The following CTNNA2 variants were observed in gnomAD, a reference collection of about 807,000 sequenced individuals.
CTNNA2 encodes catenin alpha-2.
A neutral mutation model predicts 101.0 loss-of-function variants in CTNNA2; 42 were observed. The observed-to-expected ratio is 0.42, with a 90% CI of 0.32 to 0.54. The LOEUF is 0.54. Among genes scored for constraint, CTNNA2 ranks in the 20% least tolerant of loss-of-function variants. The pLI is 0.14. For missense variants in CTNNA2, 871 were observed against 1,223.1 expected, an observed-to-expected ratio of 0.71 and a Z score of 4.29; for synonymous variants, 450 against 456.4, an observed-to-expected ratio of 0.99 and a Z score of 0.18.
chr2:79,414,034 G>A (rs940019270), intron 4 of CTNNA2, among the ~76,000 whole-genome samples: 1 of 148,884 alleles, frequency 6.7e-6, no homozygotes, highest in African/African-American at 2.5e-5. Context: ...TTGAACTCAG[G>A]CATGCGGTTT....
intron 2 of CTNNA2, among the ~76,000 whole-genome samples, chr2:79,718,782 G>C (rs1218810443): frequency 6.6e-6 from 1 of 150,852 alleles, no homozygotes; most frequent in East Asian, 1.9e-4. Flanking sequence ...TAGGAGAGTT[G>C]GTAAATGTAC....
At chr2:80,018,061 T>C (rs185618525) in intron 7 of CTNNA2, among the ~76,000 whole-genome samples, 104 of 152,344 alleles carry the variant, frequency 6.8e-4, no homozygotes, top group Admixed American at 1.1e-3. Context: ...AATATGTTCA[T>C]GATTAATTTG....
Position 79,627,920 on chromosome 2 carries a change from G to A in CTNNA2, c.-5-23632G>A, listed in dbSNP as rs115403031. On this transcript the variant is annotated intron_variant, in intron 1 of 18. Transcript: ENST00000402739. ...AGGGAAATATACTGTTCTTTGAATA[G>A]CCTTGACACTGTGCCAGCTCATAAG... Among the ~76,000 whole-genome samples, 674 of 152,218 alleles carry A rather than the reference G, an allele frequency of 4.4e-3. 5 individuals carry two copies. Among genetic ancestry groups the A allele is most frequent in the African/African-American group, 0.015 (640 of 41,550 alleles).
chr2:80,096,928 A>G (rs1285211378), intron 7 of CTNNA2, among the ~76,000 whole-genome samples: 1 of 152,156 alleles, frequency 6.6e-6, no homozygotes, highest in Admixed American at 6.5e-5. Context: ...TCTCCTGAAT[A>G]CAGCACACTG....
chr2:80,101,552 A>C (rs78710163), intron 7 of CTNNA2, among the ~76,000 whole-genome samples: 1 of 152,162 alleles, frequency 6.6e-6, no homozygotes, highest in South Asian at 2.1e-4. Flanking sequence ...CCTAATCCCA[A>C]TTCTCCTCCT....
intron 7 of CTNNA2, among the ~76,000 whole-genome samples, chr2:80,305,883 T>C (rs898061119): frequency 3.9e-5 from 6 of 152,186 alleles, no homozygotes; most frequent in African/African-American, 1.4e-4. Context: ...GAGTCAAATG[T>C]GAGTCTCCAG....
At position 79,397,033 on chromosome 2, in the gene CTNNA2, A is replaced by G. The variant is rs144871046; in HGVS notation, c.-135+23020A>G. Among the ~76,000 whole-genome samples, 28 of 152,170 alleles carry G rather than the reference A, an allele frequency of 1.8e-4. No individual in the cohort carries two copies. The East Asian group carries it at 4.5e-3, about 24-fold the overall frequency. ...TCTGGTAGGCTGGGTGAGGCTTTGT[A>G]TTTCTAACAGTTTCCCAGATATGCT... On this transcript the variant is annotated intron_variant, in intron 4 of 21. Transcript: ENST00000466387.
chr2:80,346,673 T>C (rs1672764649), intron 7 of CTNNA2, among the ~76,000 whole-genome samples: 1 of 152,190 alleles, frequency 6.6e-6, no homozygotes, highest in African/African-American at 2.4e-5. Flanking sequence ...AGTTTGATCA[T>C]GATGCATTTC....
At chr2:79,500,548 C>T (rs1294775719) in intron 4 of CTNNA2, 1 of 152,164 alleles carries the variant, frequency 6.6e-6, no homozygotes, top group Non-Finnish European at 1.5e-5. Context: ...ATATTGGCTA[C>T]AGTGTGTATT....
chr2:79,472,926 T>G (rs941109139), intron 4 of CTNNA2, among the ~76,000 whole-genome samples: 1 of 152,212 alleles, frequency 6.6e-6, no homozygotes, highest in African/African-American at 2.4e-5. Context: ...TGCTTTCAAG[T>G]TCTACCTTCC....
At chr2:79,367,521 G>A (rs1677776952) in intron 3 of CTNNA2, among the ~76,000 whole-genome samples, 1 of 152,118 alleles carries the variant, frequency 6.6e-6, no homozygotes, top group Admixed American at 6.6e-5. Flanking sequence ...AGTAGGAGAT[G>A]ATTTAGAAAG....
chr2:79,538,961 A>G (rs1470765180), intron 1 of CTNNA2, among the ~76,000 whole-genome samples: 14 of 152,226 alleles, frequency 9.2e-5, no homozygotes, highest in Non-Finnish European at 1.5e-5. Flanking sequence ...AGGGCAGCAT[A>G]CTTGAGAATG....
intron 7 of CTNNA2, among the ~76,000 whole-genome samples, chr2:80,164,939 G>GTTT (rs774573996): frequency 4.0e-5 from 4 of 99,266 alleles, no homozygotes; most frequent in Admixed American, 9.7e-5. Flanking sequence ...CCAACTTTTG[G>GTTT]TTTTTTTTTT....
intron 9 of CTNNA2, among the ~76,000 whole-genome samples, chr2:80,442,015 A>AG (rs1311655489): frequency 6.6e-6 from 1 of 152,242 alleles, no homozygotes; most frequent in Non-Finnish European, 1.5e-5. Flanking sequence ...GCACTTGCAG[A>AG]GGACTGGCTC....
intron 3 of CTNNA2, among the ~76,000 whole-genome samples, chr2:79,775,129 T>C (rs1195053489): frequency 6.6e-6 from 1 of 152,160 alleles, no homozygotes; most frequent in Non-Finnish European, 1.5e-5. Flanking sequence ...TTCTCTCATT[T>C]GGTATGGTTG....
At chr2:79,510,337 TCAAAA>T (rs1401037331), upstream of CTNNA2, among the ~76,000 whole-genome samples, 1 of 152,096 alleles carries the variant, frequency 6.6e-6, no homozygotes, top group Non-Finnish European at 1.5e-5. Context: ...ACAAGCAGAC[TCAAAA>T]CAAAAGAAAT....
In CTNNA2 at chr2:80,010,439, G is replaced by A. The variant is rs558584035; in HGVS notation, c.1056+100642G>A. Among the ~76,000 whole-genome samples, 11 of 152,106 alleles carry A rather than the reference G, an allele frequency of 7.2e-5. No individual in the cohort carries two copies. In the South Asian group the frequency reaches 1.7e-3, roughly 23 times the overall value. On this transcript the variant is annotated intron_variant, in intron 7 of 18. Coordinates refer to ENST00000402739, the MANE Select transcript of CTNNA2 (RefSeq NM_001282597.3). ...ACCCACTTCAGCCTCCTGAGTAGCC[G>A]GGACTACAGGCACGTGCCACCATGC...
intron 1 of CTNNA2, among the ~76,000 whole-genome samples, chr2:79,194,750 C>T (rs140333875): frequency 6.6e-6 from 1 of 152,262 alleles, no homozygotes; most frequent in African/African-American, 2.4e-5. Flanking sequence ...CCTGGGCTGC[C>T]TCTACTTTCC....
chr2:79,734,958 C>G (rs190674362), intron 2 of CTNNA2, among the ~76,000 whole-genome samples: 6 of 152,164 alleles, frequency 3.9e-5, no homozygotes, highest in Non-Finnish European at 8.8e-5. Context: ...TAGTGTCCTC[C>G]CATTGAGGTA....
Sources: gnomAD v4.1 joint callset for allele counts (sites outside exome capture counted in the v4.1 genomes callset) on GRCh38, gnomAD v4.1.1 for gene constraint, MANE v1.5 for transcripts, NCBI Gene and HGNC (gene_info 2026-07-23, HGNC 2026-07-21) for gene names.